The following RFC2 variants were observed in gnomAD, a reference collection of about 807,000 sequenced individuals.
RFC2 encodes A1 40 kDa subunit.
Under a neutral mutation model 44.8 loss-of-function variants are expected in RFC2, and 34 were observed. The observed-to-expected ratio is 0.76, with a 90% confidence interval of 0.58 to 1.01. RFC2 has a LOEUF of 1.01. Ranked by LOEUF, RFC2 falls within the 50% of genes least tolerant of loss-of-function variation. The probability of loss-of-function intolerance (pLI) is 0.00; values close to 1 mark genes in which losing one functional copy is unlikely to be tolerated. For synonymous variants in RFC2, 177 were observed against 168.9 expected (o/e 1.05, Z -0.37); for missense variants, 400 against 453.6 (o/e 0.88, Z 1.07).
At chr7:74,254,047 A>G (rs781967254) in intron 1 of RFC2, among the ~76,000 whole-genome samples, 12 of 152,250 alleles carry the variant, frequency 7.9e-5, no homozygotes, top group Non-Finnish European at 1.5e-4. Context: ...CCTAATTGTC[A>G]TAAGCATTGT....
intron 5 of RFC2, among the ~76,000 whole-genome samples, chr7:74,245,664 G>A (rs186215967): frequency 1.4e-5 from 2 of 146,206 alleles, no homozygotes; most frequent in African/African-American, 5.1e-5. Context: ...AGTGAGCCAA[G>A]ATTGCGCCAC....
chr7:74,233,628 C>G (rs1554717631), intron 10 of RFC2: 1 of 145,562 alleles, frequency 6.9e-6, no homozygotes, highest in East Asian at 2.1e-4. Context: ...AAGATGGAGT[C>G]TCACTCTTGT....
At chr7:74,234,041 T>C (rs1462945109) in intron 10 of RFC2, 6 of 406,592 alleles carry the variant, frequency 1.5e-5, no homozygotes, top group African/African-American at 1.2e-4. Context: ...GTCACCACAA[T>C]CTGTAAACCC....
At chr7:74,249,676 C>T in intron 3 of RFC2, 63 bp downstream of exon 3, 2 of 1,342,712 alleles carry the variant, frequency 1.5e-6, no homozygotes, top group Non-Finnish European at 2.1e-6. Context: ...CACAAGAAAG[C>T]AGTTCAGCGG....
chr7:74,240,497 G>C (rs1199293646), intron 6 of RFC2, among the ~76,000 whole-genome samples: 1 of 134,622 alleles, frequency 7.4e-6, no homozygotes, highest in African/African-American at 3.0e-5. Flanking sequence ...GCGAGGCTGT[G>C]TCTCCAAAAA....
chr7:74,252,450 T>C lies in RFC2; in HGVS notation c.162A>G (p.Glu54=). Residue 54 remains glutamate, a synonymous_variant, in exon 2 of 11, where the codon GAA becomes GAG. Coordinates refer to ENST00000055077, the MANE Select transcript of RFC2 (RefSeq NM_181471.3). The part of the protein sequence containing the change: ...PVKLNEIVGN[E]DTVSRLEVFA... ...TCACCTCTAGCCTGCTCACGGTGTC[T>C]TCATTCCCGACAATTTCATTCAGCT... 6.2e-7 allele frequency: 1 copy of C among 1,607,124 alleles called. No individual in the cohort carries two copies. The highest frequency in any genetic ancestry group is 1.3e-5 in the African/African-American group (1 of 74,662).
At chr7:74,244,140 C>G (rs1554719656) in intron 5 of RFC2, among the ~76,000 whole-genome samples, 1 of 149,170 alleles carries the variant, frequency 6.7e-6, no homozygotes, top group Non-Finnish European at 1.5e-5. Flanking sequence ...TGGTGGCGCA[C>G]GTCTGTAGTC....
rs1803472053 is a variant in RFC2 at position 74,244,048 on chromosome 7, C to G, written c.435-802G>C. Reference sequence around the variant, plus strand: ...GGTGGCTCTCTTGAGGTCAGGAGTTCAAGACCAGCCTGGCCAACACAGCAA... The same window carrying G: ...GGTGGCTCTCTTGAGGTCAGGAGTTGAAGACCAGCCTGGCCAACACAGCAA... On this transcript the variant is annotated intron_variant, in intron 5 of 10. Transcript: ENST00000055077. Among the ~76,000 whole-genome samples, 4 of 131,478 alleles carry G rather than the reference C, an allele frequency of 3.0e-5. No homozygotes were observed. In the South Asian group the frequency reaches 9.8e-4, roughly 32 times the overall value. 86.3% of individuals were successfully genotyped at this position (131,478 alleles called of 152,430 possible).
rs782118846 is a variant in RFC2 at position 74,243,184 on chromosome 7, C to T, written c.497G>A (p.Arg166His). 1.3e-5 allele frequency: 21 copies of T among 1,613,896 alleles called. No individual in the cohort carries two copies. Among genetic ancestry groups the T allele is most frequent in the South Asian group, 2.2e-5 (2 of 91,074 alleles). ...CGAAGCATTACAAGCAAGGGCGAAG[C>T]GAGTGGTTTTAGAGTAGATTTCCAT... Reference protein sequence around the residue: ...RTMEIYSKTTRFALACNASDK... With the variant: ...RTMEIYSKTTHFALACNASDK... Residue 166 changes from arginine to histidine, a missense_variant, in exon 6 of 11, where the codon CGC becomes CAC. By Grantham distance (29) the Arg-to-His change is conservative (BLOSUM62 0). Coordinates refer to ENST00000055077, the MANE Select transcript of RFC2 (RefSeq NM_181471.3).
At chr7:74,250,603 C>A (rs1554720908) in intron 2 of RFC2, among the ~76,000 whole-genome samples, 1 of 152,096 alleles carries the variant, frequency 6.6e-6, no homozygotes, top group Non-Finnish European at 1.5e-5. Context: ...GCTTCACCAT[C>A]CTCCTCCTTC....
At chr7:74,236,863 G>A (rs1397011616) in intron 9 of RFC2, among the ~76,000 whole-genome samples, 5 of 152,130 alleles carry the variant, frequency 3.3e-5, no homozygotes, top group Non-Finnish European at 7.4e-5. Flanking sequence ...GGAGGCTGAG[G>A]TGGGAGGATC....
intron 10 of RFC2, among the ~76,000 whole-genome samples, chr7:74,233,408 T>G (rs1307501816): frequency 6.6e-6 from 1 of 151,844 alleles, no homozygotes; most frequent in East Asian, 1.9e-4. Flanking sequence ...TACAGTACAA[T>G]TAAAATAAAA....
At chr7:74,242,632 C>T (rs931088732) in intron 6 of RFC2, among the ~76,000 whole-genome samples, 7 of 151,626 alleles carry the variant, frequency 4.6e-5, no homozygotes, top group Non-Finnish European at 8.8e-5. Flanking sequence ...AGAGCCAAGG[C>T]GAGGCCAGGT....
chr7:74,243,565 T>C (rs1183091671), intron 5 of RFC2, among the ~76,000 whole-genome samples: 1 of 151,928 alleles, frequency 6.6e-6, no homozygotes, highest in Non-Finnish European at 1.5e-5. Context: ...AGAACAATCA[T>C]GACACCAGCT....
rs183353281 is a variant in RFC2, at chr7:74,251,968, G to A, written c.183+461C>T. Among the ~76,000 whole-genome samples, 20 of 149,860 alleles carry A rather than the reference G, an allele frequency of 1.3e-4. No homozygotes were observed. The East Asian group carries it at 2.7e-3, about 21-fold the overall frequency. Reference sequence around the variant, plus strand: ...AAAAAAATTAGCCAGGCATGGTGGCGGGCGCCTGTAGTCCCAGTTACTCCG... The same window carrying A: ...AAAAAAATTAGCCAGGCATGGTGGCAGGCGCCTGTAGTCCCAGTTACTCCG... On this transcript the variant is annotated intron_variant, in intron 2 of 10. Coordinates refer to ENST00000055077, the MANE Select transcript of RFC2 (RefSeq NM_181471.3).
intron 10 of RFC2, among the ~76,000 whole-genome samples, chr7:74,233,045 A>G (rs1802813425): frequency 6.6e-6 from 1 of 151,568 alleles, no homozygotes; most frequent in Non-Finnish European, 1.5e-5. Context: ...AACTCTACGA[A>G]AAAAAGAAAA....
chr7:74,248,935 T>G, intron 4 of RFC2, 77 bp downstream of exon 4: 1 of 1,018,780 alleles, frequency 9.8e-7, no homozygotes, highest in Non-Finnish European at 1.6e-6. Context: ...TACAACCCAA[T>G]GCTGAGAAAG....
Position 74,232,042 on chromosome 7 carries a change from A to G in RFC2, c.*64T>C, listed in dbSNP as rs1802755159. 1.0e-6 allele frequency: 1 copy of G among 977,566 alleles called. No individual in the cohort carries two copies. The highest frequency in any genetic ancestry group is 1.6e-6 in the Non-Finnish European group (1 of 616,236). The allele number at this position is 977,566 out of a possible 1,614,324, so 60.6% of individuals were successfully genotyped here. ...GCCTAAGGCGGCATTTTCCCCCATC[A>G]GAAAGCCGCGGCTCCTGTACCTCAG... On this transcript the variant is annotated 3_prime_UTR_variant, in exon 11 of 11. Coordinates refer to ENST00000055077, the MANE Select transcript of RFC2 (RefSeq NM_181471.3).
At position 74,249,784 on chromosome 7, in the gene RFC2, C is replaced by G; in HGVS notation, c.184-4G>C. 1 of 1,612,852 alleles carries G rather than the reference C, an allele frequency of 6.2e-7. No individual in the cohort carries two copies. Among genetic ancestry groups the G allele is most frequent in the South Asian group, 1.1e-5 (1 of 91,066 alleles). On this transcript the variant is annotated splice_region_variant and splice_polypyrimidine_tract_variant and intron_variant, in intron 2 of 10. Transcript: ENST00000055077. ...CATTTCCTTCCCTTGCAAAGACCTA[C>G]GGCGAAAATGATCATTAAAACCGGT...
Sources: gnomAD v4.1 joint callset for allele counts (sites outside exome capture counted in the v4.1 genomes callset) on GRCh38, gnomAD v4.1.1 for gene constraint, MANE v1.5 for transcripts, NCBI Gene and HGNC (gene_info 2026-07-23, HGNC 2026-07-21) for gene names.